Variants in SLCO3A1 observed in about 807,000 individuals in gnomAD.
The protein encoded by SLCO3A1 is PGE1 transporter.
SLCO3A1 carries 27 observed loss-of-function variants against 63.1 expected under a neutral mutation model. That is an observed-to-expected ratio of 0.43 (90% CI 0.32 to 0.59). SLCO3A1 has a LOEUF of 0.59. Among genes scored for constraint, SLCO3A1 ranks in the 20% least tolerant of loss-of-function variants. The probability of loss-of-function intolerance (pLI) is 0.09; values close to 1 mark genes in which losing one functional copy is unlikely to be tolerated. For missense variants in SLCO3A1, 773 were observed against 945.8 expected, an observed-to-expected ratio of 0.82 and a Z score of 2.40; for synonymous variants, 473 against 409.9, an observed-to-expected ratio of 1.15 and a Z score of -1.86.
chr15:91,928,047 G>A (rs867772456), intron 2 of SLCO3A1, among the ~76,000 whole-genome samples: 20 of 152,320 alleles, frequency 1.3e-4, no homozygotes, highest in Middle Eastern at 3.4e-3. Flanking sequence ...AAGGCTATTA[G>A]GCAGTACATA....
intron 1 of SLCO3A1, among the ~76,000 whole-genome samples, chr15:91,905,818 C>T (rs1031216492): frequency 1.3e-5 from 2 of 150,964 alleles, no homozygotes; most frequent in Admixed American, 6.6e-5. Context: ...TCTTTTTCCT[C>T]CTTATATAAC....
At chr15:91,889,330 C>A in intron 1 of SLCO3A1, 1 of 414,166 alleles carries the variant, frequency 2.4e-6, no homozygotes, top group Non-Finnish European at 4.7e-6. Context: ...AAGGCTGTTA[C>A]TCATCACTCA....
intron 2 of SLCO3A1, among the ~76,000 whole-genome samples, chr15:91,993,611 G>A (rs2046153926): frequency 1.3e-5 from 2 of 152,152 alleles, no homozygotes; most frequent in South Asian, 2.1e-4. Flanking sequence ...GCATAGTGAA[G>A]ATCCATTTTT....
At chr15:92,096,530 G>A (rs1381882619) in intron 3 of SLCO3A1, among the ~76,000 whole-genome samples, 1 of 152,156 alleles carries the variant, frequency 6.6e-6, no homozygotes, top group Non-Finnish European at 1.5e-5. Flanking sequence ...TTAGCATGCA[G>A]CAAAGCCATA....
At chr15:92,055,242 C>A (rs957862892) in intron 2 of SLCO3A1, among the ~76,000 whole-genome samples, 2 of 152,048 alleles carry the variant, frequency 1.3e-5, no homozygotes, top group East Asian at 3.8e-4. Flanking sequence ...GCATAAATGT[C>A]TTCTCTTGAG....
intron 2 of SLCO3A1, among the ~76,000 whole-genome samples, chr15:92,020,818 A>G (rs933660930): frequency 2.0e-5 from 3 of 152,260 alleles, no homozygotes; most frequent in African/African-American, 7.2e-5. Flanking sequence ...AGTATAGTGC[A>G]TGGTACAGCA....
chr15:91,962,117 G>A (rs183631798), intron 2 of SLCO3A1, among the ~76,000 whole-genome samples: 1 of 152,316 alleles, frequency 6.6e-6, no homozygotes, highest in African/African-American at 2.4e-5. Context: ...CATACAGACA[G>A]GCTCAGAAGA....
intron 2 of SLCO3A1, among the ~76,000 whole-genome samples, chr15:91,926,608 C>CGCGCGCGCGT (rs1447369614): frequency 2.4e-5 from 2 of 84,336 alleles, no homozygotes; most frequent in African/African-American, 1.2e-4. Flanking sequence ...CGCGCGCGCA[C>CGCGCGCGCGT]GCCCATGCTT....
intron 3 of SLCO3A1, among the ~76,000 whole-genome samples, chr15:92,100,452 T>G (rs1240069870): frequency 6.6e-6 from 1 of 152,224 alleles, no homozygotes; most frequent in Non-Finnish European, 1.5e-5. Context: ...TCCATGTGTC[T>G]AGTTTTGTTG....
intron 7 of SLCO3A1, among the ~76,000 whole-genome samples, chr15:92,135,580 G>T (rs2048047040): frequency 6.6e-6 from 1 of 152,188 alleles, no homozygotes; most frequent in Admixed American, 6.5e-5. Flanking sequence ...ACCAGCTTTG[G>T]TTGAACCAAT....
chr15:91,970,887 TTG>T (rs138215344), intron 2 of SLCO3A1, among the ~76,000 whole-genome samples: 6 of 150,788 alleles, frequency 4.0e-5, no homozygotes, highest in African/African-American at 7.3e-5. Flanking sequence ...GTGTGTGTGT[TTG>T]TGTGTGTGTG....
At chr15:91,996,827 T>A (rs2046197733) in intron 2 of SLCO3A1, among the ~76,000 whole-genome samples, 1 of 152,162 alleles carries the variant, frequency 6.6e-6, no homozygotes, top group Admixed American at 6.5e-5. Context: ...CATACCACAG[T>A]ATAAATATAT....
chr15:91,957,116 A>ACTATATAGTATATAAT (rs1271110657), intron 2 of SLCO3A1, among the ~76,000 whole-genome samples: 1 of 11,880 alleles, frequency 8.4e-5, no homozygotes, highest in Non-Finnish European at 1.1e-4. Context: ...ATATATATAT[A>ACTATATAGTATATAAT]ATATATATAA....
Position 91,856,863 on chromosome 15 carries a change from T to C in SLCO3A1, c.180+2775T>C, listed in dbSNP as rs12441552. Among the ~76,000 whole-genome samples, 2,196 of 152,288 alleles carry C rather than the reference T, an allele frequency of 0.014. 86 individuals are homozygous for C. Among genetic ancestry groups the C allele is most frequent in the Admixed American group, 0.074 (1,138 of 15,292 alleles). ...TAGATTCCCAGAGTCCACCTTCTTA[T>C]TTCATCTCCCCAGGTGCCTTAAAAT... On this transcript the variant is annotated intron_variant, in intron 1 of 9. Coordinates refer to ENST00000318445, the MANE Select transcript of SLCO3A1 (RefSeq NM_013272.4). The surrounding 1 kb of genome is among the most constrained non-coding windows in gnomAD (Gnocchi z 4.9).
chr15:92,158,399 T>C (rs766895404), intron 9 of SLCO3A1, among the ~76,000 whole-genome samples: 120 of 152,346 alleles, frequency 7.9e-4, no homozygotes, highest in Admixed American at 1.1e-3. Context: ...GGTTTGGAAT[T>C]TTGAAATATC....
chr15:91,863,669 T>A lies in SLCO3A1; in HGVS notation c.180+9581T>A, dbSNP rs1430240402. Reference sequence around the variant, plus strand: ...CCTGAAATGTAGGAAAGGAGCATATTTTTTTGGCCGGAGTGATGATTGAGG... The same window carrying A: ...CCTGAAATGTAGGAAAGGAGCATATATTTTTGGCCGGAGTGATGATTGAGG... On this transcript the variant is annotated intron_variant, in intron 1 of 9. Coordinates refer to ENST00000318445, the MANE Select transcript of SLCO3A1 (RefSeq NM_013272.4). The surrounding 1 kb of genome is among the most constrained non-coding windows in gnomAD (Gnocchi z 4.3). 6.6e-6 allele frequency among the ~76,000 whole-genome samples: 1 copy of A among 152,106 alleles called. No individual in the cohort carries two copies. Among genetic ancestry groups the A allele is most frequent in the Non-Finnish European group, 1.5e-5 (1 of 68,032 alleles).
rs774705742 is a variant in SLCO3A1 at position 91,865,995 on chromosome 15, C to A, written c.180+11907C>A. Among the ~76,000 whole-genome samples the A allele has an allele frequency of 9.2e-5, 14 of 152,146 alleles. No individual in the cohort carries two copies. Among genetic ancestry groups the A allele is most frequent in the Non-Finnish European group, 1.6e-4 (11 of 68,030 alleles). On this transcript the variant is annotated intron_variant, in intron 1 of 9. Coordinates refer to ENST00000318445, the MANE Select transcript of SLCO3A1 (RefSeq NM_013272.4). The surrounding 1 kb of genome is among the most constrained non-coding windows in gnomAD (Gnocchi z 4.6). ...GATATTCGTAAGAGAGTCGTTCATA[C>A]CCAAAGATATCATTTCAATCTTCAC... is the stretch of plus-strand genomic sequence containing the variant.
In SLCO3A1 at chr15:91,883,522, A is replaced by G. The variant is rs185614391; in HGVS notation, c.180+29434A>G. Among the ~76,000 whole-genome samples the G allele has an allele frequency of 1.1e-4, 16 of 152,324 alleles. No individual in the cohort carries two copies. In the East Asian group the frequency reaches 1.9e-3, roughly 18 times the overall value. Reference sequence around the variant, plus strand: ...TCATCCTTTGCATTTTCTTGCATGCAGTAGTCTTCCATAGGGAGTTCTACC... The same window carrying G: ...TCATCCTTTGCATTTTCTTGCATGCGGTAGTCTTCCATAGGGAGTTCTACC... On this transcript the variant is annotated intron_variant, in intron 1 of 9. Transcript: ENST00000318445. The surrounding 1 kb of genome is among the most constrained non-coding windows in gnomAD (Gnocchi z 4.8).
At chr15:92,128,616 A>C in intron 7 of SLCO3A1, 127 bp downstream of exon 7, 1 of 775,984 alleles carries the variant, frequency 1.3e-6, no homozygotes, top group Non-Finnish European at 2.0e-6. Context: ...GCTGTAGTGG[A>C]AGATGTTCCA....
Sources: gnomAD v4.1 joint callset for allele counts (sites outside exome capture counted in the v4.1 genomes callset) on GRCh38, gnomAD v4.1.1 for gene constraint, Gnocchi (gnomAD v3.1) non-coding constraint, MANE v1.5 for transcripts, NCBI Gene and HGNC (gene_info 2026-07-23, HGNC 2026-07-21) for gene names.